KCNG2: variants seen among roughly 807,000 people sequenced by gnomAD.
KCNG2 encodes the protein voltage-gated potassium channel regulatory subunit KCNG2.
A neutral mutation model predicts 12.3 loss-of-function variants in KCNG2; 7 were observed. That is an observed-to-expected ratio of 0.57 (90% CI 0.32 to 1.07). The LOEUF (loss-of-function observed/expected upper bound fraction) is 1.07, where lower values mean the gene tolerates loss of function less well. KCNG2 is among the 50% of genes least tolerant of loss of function. The pLI is 0.04. For missense variants in KCNG2, 703 were observed against 726.0 expected, an observed-to-expected ratio of 0.97 and a Z score of 0.36; for synonymous variants, 414 against 351.4, an observed-to-expected ratio of 1.18 and a Z score of -1.99.
intron 1 of KCNG2, among the ~76,000 whole-genome samples, chr18:79,833,793 G>A (rs946640321): frequency 2.6e-5 from 4 of 152,244 alleles, no homozygotes; most frequent in Admixed American, 2.0e-4. Context: ...TTGCAACAGC[G>A]AGTTTGTGTG....
intron 3 of KCNG2, among the ~76,000 whole-genome samples, chr18:79,893,020 C>T (rs943318999): frequency 6.6e-6 from 1 of 151,244 alleles, no homozygotes; most frequent in African/African-American, 2.4e-5. Flanking sequence ...CCATTCACAT[C>T]TAATGTTACA....
At position 79,824,007 on chromosome 18, in the gene KCNG2, T is replaced by G. The variant is rs150323536; in HGVS notation, c.-115+25993T>G. 3.1e-3 allele frequency among the ~76,000 whole-genome samples: 478 copies of G among 152,318 alleles called. 4 individuals carry two copies. Among genetic ancestry groups the G allele is most frequent in the African/African-American group, 0.011 (452 of 41,574 alleles). On this transcript the variant is annotated intron_variant, in intron 1 of 3. Coordinates refer to ENST00000316249, the MANE Select transcript of KCNG2 (RefSeq NM_012283.2). ...TAAATGGACTTTTTCTTTCATCAATTTAATTTAATTTTTGAGACAAGATCT... is the reference window on the plus strand; with the variant it reads ...TAAATGGACTTTTTCTTTCATCAATGTAATTTAATTTTTGAGACAAGATCT...
At chr18:79,835,512 T>A (rs1175187848) in intron 1 of KCNG2, among the ~76,000 whole-genome samples, 1 of 152,216 alleles carries the variant, frequency 6.6e-6, no homozygotes, top group African/African-American at 2.4e-5. Flanking sequence ...GAATTTTAGA[T>A]GTAAAAATAC....
At chr18:79,829,256 GTGTC>G (rs1379489050) in intron 1 of KCNG2, among the ~76,000 whole-genome samples, 19 of 150,608 alleles carry the variant, frequency 1.3e-4, no homozygotes, top group East Asian at 9.9e-4. Flanking sequence ...GTCTGCGTGT[GTGTC>G]TGTGTGTGCA....
At chr18:79,841,112 GA>G (rs761572783) in intron 1 of KCNG2, among the ~76,000 whole-genome samples, 1 of 151,662 alleles carries the variant, frequency 6.6e-6, no homozygotes, top group Non-Finnish European at 1.5e-5. Flanking sequence ...TCTATGAAAA[GA>G]AAAAAAAGTC....
At position 79,802,409 on chromosome 18, in the gene KCNG2, G is replaced by A. The variant is rs1329365556; in HGVS notation, c.-115+4395G>A. Among the ~76,000 whole-genome samples the A allele has an allele frequency of 3.3e-5, 5 of 151,842 alleles. No individual in the cohort carries two copies. In the East Asian group the frequency reaches 9.6e-4, roughly 29 times the overall value. ...GTCCCAGCCGTGCTGCTCTGGTCCG[G>A]AGAGCCTGGCCTTGACACCTGTCCC... is the stretch of plus-strand genomic sequence containing the variant. On this transcript the variant is annotated intron_variant, in intron 1 of 3. Transcript: ENST00000316249.
At chr18:79,798,302 C>T (rs1568238698) in intron 1 of KCNG2, among the ~76,000 whole-genome samples, 5 of 152,076 alleles carry the variant, frequency 3.3e-5, no homozygotes, top group Admixed American at 3.3e-4. Context: ...GGGCCGGAGG[C>T]GCTCGCCGGT....
chr18:79,818,962 C>T (rs1017321479), intron 1 of KCNG2, among the ~76,000 whole-genome samples: 1 of 152,186 alleles, frequency 6.6e-6, no homozygotes, highest in Non-Finnish European at 1.5e-5. Context: ...GTCCGAGAGG[C>T]ATCAGGACTC....
intron 1 of KCNG2, among the ~76,000 whole-genome samples, chr18:79,848,190 A>G (rs1255468016): frequency 2.0e-5 from 3 of 152,200 alleles, no homozygotes. Context: ...TCGATCCCTG[A>G]GGCTAATGGT....
chr18:79,855,264 CTGGGCCAGTGCCCTGCTGACAT>C (rs1054482246), intron 1 of KCNG2, among the ~76,000 whole-genome samples: 11 of 152,156 alleles, frequency 7.2e-5, no homozygotes, highest in Admixed American at 2.0e-4. Flanking sequence ...GAGAGTGCCT[CTGGGCCAGTGCCCTGCTGACAT>C]TGGGCTGCAA....
At chr18:79,807,165 C>T (rs1315818263) in intron 1 of KCNG2, among the ~76,000 whole-genome samples, 4 of 152,122 alleles carry the variant, frequency 2.6e-5, no homozygotes, top group African/African-American at 9.7e-5. Flanking sequence ...CTGTCTGCAC[C>T]TCAGGGTCAC....
At chr18:79,807,840 G>T (rs2122991202) in intron 1 of KCNG2, among the ~76,000 whole-genome samples, 1 of 131,496 alleles carries the variant, frequency 7.6e-6, no homozygotes, top group Non-Finnish European at 1.6e-5. Flanking sequence ...GGAGCTGCCG[G>T]GGCCGCGCTG....
At chr18:79,824,930 C>A (rs780518704) in intron 1 of KCNG2, among the ~76,000 whole-genome samples, 6 of 151,980 alleles carry the variant, frequency 3.9e-5, no homozygotes, top group Non-Finnish European at 8.8e-5. Context: ...TTTCTTTCTT[C>A]TTATTATATT....
chr18:79,893,886 TCACTC>T (rs1423250363), intron 3 of KCNG2, among the ~76,000 whole-genome samples: 1 of 151,316 alleles, frequency 6.6e-6, no homozygotes, highest in Non-Finnish European at 1.5e-5. Flanking sequence ...ATTGGGTTCT[TCACTC>T]CATTCGCATC....
In KCNG2 at chr18:79,899,009, G is replaced by A. The variant is rs775870828; in HGVS notation, c.625-31G>A. 10 of 1,464,634 alleles carry A rather than the reference G, an allele frequency of 6.8e-6. No homozygotes were observed. The Admixed American group carries it at 6.9e-5, about 10-fold the overall frequency. 90.7% of individuals were successfully genotyped at this position (1,464,634 alleles called of 1,614,324 possible). ...GCCCCCGGCCCTCCAAGAGGCCTGC[G>A]CCCCCAACCCCGTGTCCCCTCTCCC... On this transcript the variant is annotated intron_variant, in intron 3 of 3. Coordinates refer to ENST00000316249, the MANE Select transcript of KCNG2 (RefSeq NM_012283.2).
intron 1 of KCNG2, among the ~76,000 whole-genome samples, chr18:79,817,334 C>A (rs1050551419): frequency 6.6e-6 from 1 of 152,266 alleles, no homozygotes; most frequent in African/African-American, 2.4e-5. Flanking sequence ...ACTCACATGC[C>A]TGTCACATGG....
chr18:79,856,542 G>T (rs983711607), intron 2 of KCNG2, among the ~76,000 whole-genome samples, 90 bp downstream of exon 2: 3 of 152,168 alleles, frequency 2.0e-5, no homozygotes, highest in African/African-American at 7.2e-5. Context: ...TTCTTGGTGG[G>T]TTCTTGTGCC....
At chr18:79,891,254 A>C (rs1980734161) in intron 3 of KCNG2, among the ~76,000 whole-genome samples, 1 of 151,310 alleles carries the variant, frequency 6.6e-6, no homozygotes, top group Non-Finnish European at 1.5e-5. Flanking sequence ...TTTTCAAGAC[A>C]GGGTCTCGCT....
chr18:79,866,103 G>C (rs1979520389), intron 3 of KCNG2, among the ~76,000 whole-genome samples: 1 of 148,438 alleles, frequency 6.7e-6, no homozygotes, highest in Non-Finnish European at 1.5e-5. Flanking sequence ...TGTGTTCTGA[G>C]GTCTGGGTGC....
Sources: gnomAD v4.1 joint callset for allele counts (sites outside exome capture counted in the v4.1 genomes callset) on GRCh38, gnomAD v4.1.1 for gene constraint, MANE v1.5 for transcripts, NCBI Gene and HGNC (gene_info 2026-07-23, HGNC 2026-07-21) for gene names.